Variants in COL6A1 observed in about 807,000 individuals in gnomAD.
COL6A1 encodes the protein collagen type VI alpha 1 chain.
Under a neutral mutation model 145.6 loss-of-function variants are expected in COL6A1, and 80 were observed. That is an observed-to-expected ratio of 0.55 (90% CI 0.46 to 0.66). The LOEUF (loss-of-function observed/expected upper bound fraction) is 0.66, where lower values mean the gene tolerates loss of function less well. Ranked by LOEUF, COL6A1 falls within the 30% of genes least tolerant of loss-of-function variation. COL6A1 has a pLI of 0.00. For missense variants in COL6A1, 1,364 were observed against 1,473.8 expected (o/e 0.93, Z 1.22); for synonymous variants, 638 against 622.8 (o/e 1.02, Z -0.36).
chr21:46,003,054 G>A, intron 33 of COL6A1, 66 bp from the exon 34 acceptor site: 1 of 1,611,828 alleles, frequency 6.2e-7, no homozygotes, highest in Non-Finnish European at 8.5e-7. Context: ...GAGGTCCTGT[G>A]ACATCTCCTT....
rs2077866710 is a variant in COL6A1, at chr21:46,004,073, C to A, written c.*60C>A. 1 of 1,589,710 alleles carries A rather than the reference C, an allele frequency of 6.3e-7. No homozygotes were observed. Among genetic ancestry groups the A allele is most frequent in the Admixed American group, 1.7e-5 (1 of 57,462 alleles). ...CCACCCCTCCCCACTCATCACTAAACAGAGTAAAATGTGATGCGAATTTTC... is the reference window on the plus strand; with the variant it reads ...CCACCCCTCCCCACTCATCACTAAAAAGAGTAAAATGTGATGCGAATTTTC... On this transcript the variant is annotated 3_prime_UTR_variant, in exon 35 of 35. Transcript: ENST00000361866.
chr21:45,982,858 C>T (rs567030605), intron 2 of COL6A1, 95 bp downstream of exon 2: 7 of 1,552,082 alleles, frequency 4.5e-6, no homozygotes, highest in South Asian at 3.4e-5. Flanking sequence ...ACGGCCTCAA[C>T]CTCCTAAGGT....
Position 45,981,799 on chromosome 21 carries a change from C to G in COL6A1, c.-52C>G, listed in dbSNP as rs908023238. The G allele has an allele frequency of 5.7e-6, 8 of 1,408,646 alleles. No individual in the cohort carries two copies. The highest frequency in any genetic ancestry group is 7.7e-6 in the Non-Finnish European group (8 of 1,032,736). 87.3% of individuals were successfully genotyped at this position (1,408,646 alleles called of 1,614,324 possible). A position where few individuals can be genotyped will look rare whatever the true frequency, so the allele number is the denominator to read the frequency against. On this transcript the variant is annotated 5_prime_UTR_variant, in exon 1 of 35. Transcript: ENST00000361866. ...GGCAGCCTCGGTCTCTGGGCGGCGG[C>G]GGCGGCCCACTCTGCCCTGGCCGCG...
At chr21:45,999,350 G>T in intron 26 of COL6A1, 132 bp downstream of exon 26, 6 of 957,738 alleles carry the variant, frequency 6.3e-6, no homozygotes, top group Non-Finnish European at 9.6e-6. Flanking sequence ...ACGTCATCTG[G>T]GAGGCCCTGG....
In COL6A1 at chr21:45,994,850, CCA is replaced by C; in HGVS notation, c.1398+623_1398+624del. ...TGCATCCTCCCGGAGCTCACCTGCCCCACGGGGACAGGAAGGCCTCCACACGG... is the reference window on the plus strand; with the variant it reads ...TGCATCCTCCCGGAGCTCACCTGCCCCGGGGACAGGAAGGCCTCCACACGG... On this transcript the variant is annotated intron_variant, in intron 20 of 34. Coordinates refer to ENST00000361866, the MANE Select transcript of COL6A1 (RefSeq NM_001848.3). This position sits in a 1 kb window ranked among gnomAD's most constrained non-coding sequence, Gnocchi z 6.8. 6.6e-6 allele frequency among the ~76,000 whole-genome samples: 1 copy of C among 152,252 alleles called. No individual in the cohort carries two copies. Among genetic ancestry groups the C allele is most frequent in the East Asian group, 1.9e-4 (1 of 5,158 alleles).
chr21:45,986,293 G>T (rs1409777117), intron 3 of COL6A1, among the ~76,000 whole-genome samples: 1 of 152,222 alleles, frequency 6.6e-6, no homozygotes, highest in Admixed American at 6.5e-5. Flanking sequence ...GGGGTCATGG[G>T]TGCCTCTCCT....
chr21:46,000,893 C>A, intron 29 of COL6A1, 126 bp downstream of exon 29: 1 of 1,238,310 alleles, frequency 8.1e-7, no homozygotes. Context: ...CCTGCACCTG[C>A]CCGCCCCCTC....
At chr21:45,987,774 A>G (rs2077748591) in intron 8 of COL6A1, 120 bp downstream of exon 8, 11 of 875,830 alleles carry the variant, frequency 1.3e-5, no homozygotes, top group Non-Finnish European at 1.8e-5. Context: ...GCGGGGGTCC[A>G]GATGGAGGGG....
intron 19 of COL6A1, 138 bp downstream of exon 19, chr21:45,992,948 C>T (rs2077785308): frequency 2.7e-6 from 2 of 740,352 alleles, no homozygotes; most frequent in Non-Finnish European, 4.5e-6. Context: ...ATCCCCACGC[C>T]GTCAGGGAGG....
At position 45,991,993 on chromosome 21, in the gene COL6A1, C is replaced by T. The variant is rs1225723366; in HGVS notation, c.1120-17C>T. ...CACACCCCTGCCAGCGTGTGTGACT[C>T]CCCCGGTCTTCCCCAGGGCGAGCCT... On this transcript the variant is annotated splice_polypyrimidine_tract_variant and intron_variant, in intron 15 of 34. Transcript: ENST00000361866. 2 of 1,567,850 alleles carry T rather than the reference C, an allele frequency of 1.3e-6. No homozygotes were observed. Among genetic ancestry groups the T allele is most frequent in the Admixed American group, 1.9e-5 (1 of 52,616 alleles).
chr21:45,985,168 A>G (rs1218751765), intron 3 of COL6A1, among the ~76,000 whole-genome samples: 1 of 112,990 alleles, frequency 8.9e-6, no homozygotes, highest in Non-Finnish European at 2.0e-5. Context: ...AGACAGAAAC[A>G]TACAGAGACA....
chr21:46,003,051 T>C (rs2077858008), intron 33 of COL6A1, 69 bp from the exon 34 acceptor site: 15 of 1,610,562 alleles, frequency 9.3e-6, no homozygotes, highest in Non-Finnish European at 1.3e-5. Context: ...CGGGAGGTCC[T>C]GTGACATCTC....
chr21:46,002,316 G>A lies in COL6A1; in HGVS notation c.2165G>A (p.Arg722His), dbSNP rs758242849. 4.7e-5 allele frequency: 75 copies of A among 1,592,064 alleles called. No individual in the cohort carries two copies. The highest frequency in any genetic ancestry group is 2.3e-4 in the Admixed American group (13 of 56,600). Residue 722 changes from arginine (R) to histidine (H), a missense_variant, in exon 32 of 35, where the codon CGC becomes CAC. Physicochemically the swap from Arg to His is conservative, Grantham distance 29. Around this residue, in one of 3 missense-constraint regions of COL6A1, gnomAD observed 938 missense variants for 1,003.8 expected, o/e 0.93. Coordinates refer to ENST00000361866, the MANE Select transcript of COL6A1 (RefSeq NM_001848.3). ...CTGCTGCCGCCCAGCCCGAACAACC[G>A]CATCGCCCTGGTCATCACTGACGGG... Reference protein sequence around the residue: ...DQLLPPSPNNRIALVITDGRS... With the variant: ...DQLLPPSPNNHIALVITDGRS...
intron 31 of COL6A1, 60 bp downstream of exon 31, chr21:46,002,130 C>T: frequency 6.3e-7 from 1 of 1,577,556 alleles, no homozygotes; most frequent in South Asian, 1.1e-5. Flanking sequence ...GTTCCCACGG[C>T]AGGTCGGCCC....
rs968780030 is a variant in COL6A1, at chr21:45,992,220, G to A, written c.1236+3G>A. 15 of 1,613,420 alleles carry A rather than the reference G, an allele frequency of 9.3e-6. No individual in the cohort carries two copies. Among genetic ancestry groups the A allele is most frequent in the East Asian group, 2.2e-5 (1 of 44,892 alleles). ...AGAAAGGAGAGGCGGGCGACGAGGT[G>A]AGTGAGGGCTCCTGACACCTTCCTG... On this transcript the variant is annotated splice_donor_region_variant and intron_variant, in intron 17 of 34. Transcript: ENST00000361866.
Position 45,994,232 on chromosome 21 carries a change from A to G in COL6A1, c.1398+3A>G. 1 of 1,607,874 alleles carries G rather than the reference A, an allele frequency of 6.2e-7. No homozygotes were observed. Among genetic ancestry groups the G allele is most frequent in the Non-Finnish European group, 8.5e-7 (1 of 1,177,620 alleles). On this transcript the variant is annotated splice_donor_region_variant and intron_variant, in intron 20 of 34. Coordinates refer to ENST00000361866, the MANE Select transcript of COL6A1 (RefSeq NM_001848.3). The surrounding 1 kb of genome is among the most constrained non-coding windows in gnomAD (Gnocchi z 6.8). ...CCGTTGGTGTCCCTGGAGACCCGGT[A>G]GGAAGCGCTGTGGGGTTGGGGGGCG...
chr21:45,997,992 C>G, intron 22 of COL6A1, 129 bp from the exon 23 acceptor site: 1 of 1,284,432 alleles, frequency 7.8e-7, no homozygotes, highest in Non-Finnish European at 1.1e-6. Flanking sequence ...CAGGGTGGCC[C>G]CAGGGGAGGG....
At chr21:45,999,722 G>T (rs1290707230) in intron 27 of COL6A1, 30 bp downstream of exon 27, 1 of 1,610,074 alleles carries the variant, frequency 6.2e-7, no homozygotes, top group Non-Finnish European at 8.5e-7. Flanking sequence ...CATTGCTGGG[G>T]GCGACCACTG....
At chr21:45,997,995 G>C (rs557500341) in intron 22 of COL6A1, 126 bp from the exon 23 acceptor site, 2 of 1,302,426 alleles carry the variant, frequency 1.5e-6, no homozygotes, top group Non-Finnish European at 2.2e-6. Context: ...GGTGGCCCCA[G>C]GGGAGGGAGC....
Sources: allele counts gnomAD v4.1 joint callset (sites outside exome capture counted in the v4.1 genomes callset), GRCh38; gene constraint gnomAD v4.1.1; regional missense constraint gnomAD v4.1.1; non-coding constraint Gnocchi (gnomAD v3.1); transcripts MANE v1.5; gene names NCBI Gene and HGNC (gene_info 2026-07-23, HGNC 2026-07-21).